CAMKMT: variants seen among roughly 807,000 people sequenced by gnomAD.
CAMKMT encodes the protein CaM KMT.
Under a neutral mutation model 48.0 loss-of-function variants are expected in CAMKMT, and 53 were observed. That is an observed-to-expected ratio of 1.10 (90% CI 0.89 to 1.39). The LOEUF is 1.39. Ranked by LOEUF, CAMKMT falls within the 40% of genes most tolerant of loss-of-function variation. The pLI is 0.00. For missense variants in CAMKMT, 428 were observed against 402.7 expected, an observed-to-expected ratio of 1.06 and a Z score of -0.54; for synonymous variants, 165 against 152.3, an observed-to-expected ratio of 1.08 and a Z score of -0.61.
At chr2:44,387,617 A>G (rs1680901168) in intron 2 of CAMKMT, among the ~76,000 whole-genome samples, 1 of 151,414 alleles carries the variant, frequency 6.6e-6, no homozygotes, top group Non-Finnish European at 1.5e-5. Context: ...TTTTTGTTTT[A>G]TAGGTCCTGT....
chr2:44,410,954 T>C (rs1038027688), intron 3 of CAMKMT, among the ~76,000 whole-genome samples: 29 of 152,320 alleles, frequency 1.9e-4, no homozygotes, highest in African/African-American at 7.0e-4. Flanking sequence ...AGTTCTAAAG[T>C]AATAAATAAC....
intron 3 of CAMKMT, among the ~76,000 whole-genome samples, chr2:44,546,232 C>T (rs1253139749): frequency 2.0e-5 from 3 of 148,674 alleles, no homozygotes; most frequent in Non-Finnish European, 1.5e-5. Flanking sequence ...TACCTATGAC[C>T]AATTTCACAT....
At chr2:44,509,948 CT>C (rs1259341646) in intron 3 of CAMKMT, among the ~76,000 whole-genome samples, 1 of 152,152 alleles carries the variant, frequency 6.6e-6, no homozygotes, top group Admixed American at 6.5e-5. Flanking sequence ...AACCTTTTTT[CT>C]TTGTAAATTA....
chr2:44,532,115 T>C (rs1426317286), intron 3 of CAMKMT, among the ~76,000 whole-genome samples: 1 of 152,204 alleles, frequency 6.6e-6, no homozygotes, highest in Non-Finnish European at 1.5e-5. Context: ...CTTGCTGGTA[T>C]AGTGTCATTT....
At chr2:44,661,241 T>C (rs1674663282) in intron 3 of CAMKMT, among the ~76,000 whole-genome samples, 1 of 151,548 alleles carries the variant, frequency 6.6e-6, no homozygotes, top group Non-Finnish European at 1.5e-5. Context: ...TACAGAAGAA[T>C]AACACATTTT....
intron 3 of CAMKMT, among the ~76,000 whole-genome samples, chr2:44,449,626 C>G (rs1199628915): frequency 6.6e-6 from 1 of 151,794 alleles, no homozygotes; most frequent in Non-Finnish European, 1.5e-5. Flanking sequence ...TTTACTCTGC[C>G]CAAAAGGAGA....
chr2:44,400,902 G>GC (rs1682303571), intron 3 of CAMKMT: 2 of 146,396 alleles, frequency 1.4e-5, no homozygotes, highest in Admixed American at 6.9e-5. Context: ...ACATGTATGT[G>GC]TGTATGTGCA....
At chr2:44,416,836 A>T (rs1299177571) in intron 3 of CAMKMT, among the ~76,000 whole-genome samples, 1 of 151,788 alleles carries the variant, frequency 6.6e-6, no homozygotes, top group Non-Finnish European at 1.5e-5. Context: ...CAGCCTCCCA[A>T]ATTGTTGGTA....
At chr2:44,549,542 CT>C (rs1303094829) in intron 3 of CAMKMT, 163 of 691,986 alleles carry the variant, frequency 2.4e-4, no homozygotes, top group Non-Finnish European at 7.9e-6. Context: ...AATTTTTTTT[CT>C]TTTTTTCTTA....
At chr2:44,563,512 T>C (rs1429902889) in intron 3 of CAMKMT, among the ~76,000 whole-genome samples, 17 of 151,808 alleles carry the variant, frequency 1.1e-4, no homozygotes, top group African/African-American at 3.1e-4. Context: ...CTAGGGTACA[T>C]GTGCACAACG....
chr2:44,695,472 G>T (rs747205675), intron 3 of CAMKMT, among the ~76,000 whole-genome samples: 41 of 152,264 alleles, frequency 2.7e-4, no homozygotes, highest in Middle Eastern at 3.4e-3. Flanking sequence ...TGAGCTTAAA[G>T]CATTGATGCT....
chr2:44,585,093 A>G (rs1470652591), intron 3 of CAMKMT, among the ~76,000 whole-genome samples: 1 of 152,116 alleles, frequency 6.6e-6, no homozygotes, highest in East Asian at 1.9e-4. Context: ...TGATTAAACC[A>G]AAGTAGTTTT....
chr2:44,424,994 G>A (rs773239028), intron 3 of CAMKMT, among the ~76,000 whole-genome samples: 21 of 152,144 alleles, frequency 1.4e-4, no homozygotes, highest in Admixed American at 3.3e-4. Context: ...TCTAGAACAT[G>A]AAACAAAAAA....
At chr2:44,654,201 G>A (rs1320707881) in intron 3 of CAMKMT, among the ~76,000 whole-genome samples, 2 of 152,106 alleles carry the variant, frequency 1.3e-5, no homozygotes, top group Non-Finnish European at 2.9e-5. Context: ...TCAAACATCA[G>A]ATAACATTTC....
At chr2:44,417,237 C>G (rs1683619375) in intron 3 of CAMKMT, among the ~76,000 whole-genome samples, 1 of 151,422 alleles carries the variant, frequency 6.6e-6, no homozygotes, top group African/African-American at 2.4e-5. Flanking sequence ...ACTAAAAATA[C>G]AAAAAAAATT....
intron 7 of CAMKMT, among the ~76,000 whole-genome samples, chr2:44,731,439 A>C (rs1679074543): frequency 6.6e-6 from 1 of 152,016 alleles, no homozygotes; most frequent in Non-Finnish European, 1.5e-5. Flanking sequence ...GAATATGAGA[A>C]AATAAATTCT....
intron 3 of CAMKMT, among the ~76,000 whole-genome samples, chr2:44,532,410 T>G (rs1666535274): frequency 6.6e-6 from 1 of 152,166 alleles, no homozygotes; most frequent in African/African-American, 2.4e-5. Context: ...AATTCAAAAG[T>G]TAAGGAAAGT....
intron 7 of CAMKMT, among the ~76,000 whole-genome samples, chr2:44,738,135 T>G (rs1679464001): frequency 6.6e-6 from 1 of 152,206 alleles, no homozygotes; most frequent in African/African-American, 2.4e-5. Context: ...ATTACAGGCA[T>G]GAGCCACCAT....
At chr2:44,367,008 A>G (rs1430050639) in intron 1 of CAMKMT, among the ~76,000 whole-genome samples, 1 of 152,136 alleles carries the variant, frequency 6.6e-6, no homozygotes, top group Non-Finnish European at 1.5e-5. Context: ...TACACGTGTG[A>G]GCCACCATGC....
Sources: allele counts gnomAD v4.1 joint callset (sites outside exome capture counted in the v4.1 genomes callset), GRCh38; gene constraint gnomAD v4.1.1; transcripts MANE v1.5; gene names NCBI Gene and HGNC (gene_info 2026-07-23, HGNC 2026-07-21).